CDH18: variants seen among roughly 807,000 people sequenced by gnomAD.
The protein encoded by CDH18 is cadherin 18.
Under a neutral mutation model 67.9 loss-of-function variants are expected in CDH18, and 31 were observed. The ratio of observed to expected loss-of-function variants is 0.46; its 90% CI spans 0.34 to 0.62. CDH18 has a LOEUF of 0.62. Ranked by LOEUF, CDH18 falls within the 20% of genes least tolerant of loss-of-function variation. The probability of loss-of-function intolerance (pLI) is 0.01; values close to 1 mark genes in which losing one functional copy is unlikely to be tolerated. For missense variants in CDH18, 890 were observed against 975.5 expected (o/e 0.91, Z 1.17); for synonymous variants, 362 against 347.2 (o/e 1.04, Z -0.48).
intron 4 of CDH18, among the ~76,000 whole-genome samples, chr5:19,730,087 C>T (rs1263105317): frequency 6.6e-6 from 1 of 152,114 alleles, no homozygotes; most frequent in Non-Finnish European, 1.5e-5. Context: ...GGTTCCAGCT[C>T]CCTTTCAGCT....
At chr5:20,241,927 T>G (rs1016724422) in intron 2 of CDH18, among the ~76,000 whole-genome samples, 3 of 146,266 alleles carry the variant, frequency 2.1e-5, no homozygotes, top group African/African-American at 5.2e-5. Flanking sequence ...TCAGAGGCAC[T>G]GTGCAAACTC....
chr5:20,386,716 A>G (rs1195620538), intron 1 of CDH18, among the ~76,000 whole-genome samples: 1 of 152,134 alleles, frequency 6.6e-6, no homozygotes, highest in Non-Finnish European at 1.5e-5. Context: ...ATAATTTGAT[A>G]TTATAACAAT....
chr5:20,262,989 G>A (rs1744766869), intron 1 of CDH18, among the ~76,000 whole-genome samples: 1 of 138,576 alleles, frequency 7.2e-6, no homozygotes, highest in Admixed American at 7.3e-5. Context: ...GGAAGGGAAG[G>A]GAGGGAAGGG....
chr5:20,444,779 CT>C (rs60852616), intron 1 of CDH18, among the ~76,000 whole-genome samples: 40,685 of 141,710 alleles, frequency 0.29, 6,117 homozygotes, highest in African/African-American at 0.41. Context: ...TTTTTTCTTT[CT>C]TTTTTTTTTT....
At chr5:20,439,551 A>G (rs1225278610) in intron 1 of CDH18, among the ~76,000 whole-genome samples, 2 of 151,690 alleles carry the variant, frequency 1.3e-5, no homozygotes, top group Non-Finnish European at 2.9e-5. Flanking sequence ...TATTAACAGT[A>G]TATTAGTGGC....
intron 2 of CDH18, among the ~76,000 whole-genome samples, chr5:20,241,894 A>ATG (rs754188567): frequency 7.8e-5 from 11 of 141,320 alleles, no homozygotes; most frequent in East Asian, 4.0e-4. Flanking sequence ...ATATATATGT[A>ATG]TATATATATA....
intron 2 of CDH18, among the ~76,000 whole-genome samples, chr5:20,169,794 TAATG>T (rs1736556465): frequency 6.6e-6 from 1 of 152,090 alleles, no homozygotes. Context: ...GAAAAAAATG[TAATG>T]AATGAAATTA....
At chr5:20,210,590 G>A (rs1242644071) in intron 2 of CDH18, among the ~76,000 whole-genome samples, 2 of 151,794 alleles carry the variant, frequency 1.3e-5, no homozygotes, top group Non-Finnish European at 2.9e-5. Flanking sequence ...TTAAGGTTTT[G>A]ATATTAAAGG....
intron 1 of CDH18, among the ~76,000 whole-genome samples, chr5:20,381,601 ATTTCCT>A (rs1743913253): frequency 6.6e-6 from 1 of 152,094 alleles, no homozygotes; most frequent in Non-Finnish European, 1.5e-5. Flanking sequence ...TTTCTGTGTA[ATTTCCT>A]TTTCAATGAT....
At chr5:20,201,863 C>T (rs994482) in intron 2 of CDH18, among the ~76,000 whole-genome samples, 77,429 of 151,924 alleles carry the variant, frequency 0.51, 20,126 homozygotes, top group Middle Eastern at 0.65. Context: ...AATTAAACTG[C>T]TAGCTTGAGT....
chr5:20,391,110 T>C (rs1328032712), intron 1 of CDH18, among the ~76,000 whole-genome samples: 2 of 151,998 alleles, frequency 1.3e-5, no homozygotes, highest in African/African-American at 2.4e-5. Flanking sequence ...GTTATGCACA[T>C]GTACCCTAAA....
intron 1 of CDH18, among the ~76,000 whole-genome samples, chr5:20,338,174 T>C (rs1739948306): frequency 6.6e-6 from 1 of 152,188 alleles, no homozygotes; most frequent in Non-Finnish European, 1.5e-5. Context: ...TACTCTTCTT[T>C]CCATTTGGGC....
At chr5:19,674,277 A>G (rs1443439589) in intron 5 of CDH18, among the ~76,000 whole-genome samples, 1 of 152,106 alleles carries the variant, frequency 6.6e-6, no homozygotes, top group African/African-American at 2.4e-5. Context: ...TCACTTAAGG[A>G]TTCAATAAAA....
rs199873278 is a variant in CDH18, at chr5:19,696,467, C to T, written c.643+24880G>A. ...AGGAGAATGGCGTGGCCCTGCGAGG[C>T]GGAGTTTGCAGTGAGCCGAGATTGA... is the stretch of plus-strand genomic sequence containing the variant. On this transcript the variant is annotated intron_variant, in intron 5 of 12. Coordinates refer to ENST00000382275, the MANE Select transcript of CDH18 (RefSeq NM_004934.5). Among the ~76,000 whole-genome samples, 505 of 151,220 alleles carry T rather than the reference C, an allele frequency of 3.3e-3. 2 individuals are homozygous for T. The highest frequency in any genetic ancestry group is 0.012 in the African/African-American group (486 of 41,204).
intron 2 of CDH18, among the ~76,000 whole-genome samples, chr5:19,849,120 A>G (rs1783351094): frequency 1.3e-5 from 2 of 152,124 alleles, no homozygotes; most frequent in African/African-American, 4.8e-5. Context: ...CTTCAAATTT[A>G]GTAAATGTTT....
At chr5:20,206,405 T>C (rs1413745024) in intron 2 of CDH18, among the ~76,000 whole-genome samples, 3 of 151,842 alleles carry the variant, frequency 2.0e-5, no homozygotes, top group Admixed American at 2.0e-4. Context: ...CTACCAAACA[T>C]TTAATTAACT....
intron 2 of CDH18, among the ~76,000 whole-genome samples, chr5:19,950,474 C>T (rs1463549663): frequency 6.6e-6 from 1 of 152,058 alleles, no homozygotes; most frequent in African/African-American, 2.4e-5. Context: ...CACTAAAGAA[C>T]TTACCTATGT....
chr5:19,473,083 G>C lies in CDH18; in HGVS notation c.*143C>G, dbSNP rs762246004. 9.5e-6 allele frequency: 7 copies of C among 733,778 alleles called. No homozygotes were observed. The highest frequency in any genetic ancestry group is 1.5e-5 in the Non-Finnish European group (7 of 468,852). 45.5% of individuals were successfully genotyped at this position (733,778 alleles called of 1,614,324 possible). Reference sequence around the variant, plus strand: ...AATTAAATAACCCAGTTTCGATCATGAAAAGGGCACTTGTTTCTACAGGAG... The same window carrying C: ...AATTAAATAACCCAGTTTCGATCATCAAAAGGGCACTTGTTTCTACAGGAG... On this transcript the variant is annotated 3_prime_UTR_variant, in exon 13 of 13. Coordinates refer to ENST00000382275, the MANE Select transcript of CDH18 (RefSeq NM_004934.5).
At chr5:20,049,653 C>A (rs972292940) in intron 2 of CDH18, among the ~76,000 whole-genome samples, 9 of 151,690 alleles carry the variant, frequency 5.9e-5, no homozygotes, top group African/African-American at 1.9e-4. Flanking sequence ...TATTCTTTGG[C>A]TTCACGGTAA....
Sources: allele counts gnomAD v4.1 joint callset (sites outside exome capture counted in the v4.1 genomes callset), GRCh38; gene constraint gnomAD v4.1.1; transcripts MANE v1.5; gene names NCBI Gene and HGNC (gene_info 2026-07-23, HGNC 2026-07-21).